ANKHD1: variants seen among roughly 807,000 people sequenced by gnomAD.
ANKHD1 encodes ankyrin repeat and KH domain-containing protein 1.
A neutral mutation model predicts 230.5 loss-of-function variants in ANKHD1; 31 were observed. The observed-to-expected ratio is 0.13, with a 90% CI of 0.10 to 0.18. The LOEUF is 0.18. Ranked by LOEUF, ANKHD1 falls within the 10% of genes least tolerant of loss-of-function variation. The pLI is 1.00. For missense variants in ANKHD1, 2,256 were observed against 3,071.3 expected (o/e 0.73, Z 6.27); for synonymous variants, 1,074 against 1,117.6 (o/e 0.96, Z 0.78).
chr5:140,414,864 G>A (rs1771228413), intron 1 of ANKHD1, among the ~76,000 whole-genome samples: 1 of 150,460 alleles, frequency 6.6e-6, no homozygotes, highest in African/African-American at 2.4e-5. Context: ...TGTGTTGTTT[G>A]TTTTTTATTG....
chr5:140,459,759 G>A (rs980913626), intron 9 of ANKHD1, among the ~76,000 whole-genome samples: 6 of 151,842 alleles, frequency 4.0e-5, no homozygotes, highest in Non-Finnish European at 8.8e-5. Flanking sequence ...ATTATTATTT[G>A]TCAATTAAAA....
chr5:140,432,952 C>A (rs1008284197), intron 1 of ANKHD1, among the ~76,000 whole-genome samples: 2 of 152,016 alleles, frequency 1.3e-5, no homozygotes, highest in East Asian at 1.9e-4. Context: ...ATCCCCCCCA[C>A]CCTGGCTTCC....
intron 7 of ANKHD1, among the ~76,000 whole-genome samples, chr5:140,452,608 G>A (rs183613071): frequency 1.3e-5 from 2 of 152,144 alleles, no homozygotes; most frequent in African/African-American, 2.4e-5. Flanking sequence ...CCAGGCAAAC[G>A]GTCTAGAGTG....
intron 1 of ANKHD1, among the ~76,000 whole-genome samples, chr5:140,412,951 CAA>C (rs959135771): frequency 3.3e-5 from 5 of 152,144 alleles, no homozygotes; most frequent in African/African-American, 1.2e-4. Flanking sequence ...TCTGTTCTCA[CAA>C]AGTTTTCCAC....
At chr5:140,403,623 A>T (rs780213967) in intron 1 of ANKHD1, among the ~76,000 whole-genome samples, 9 of 151,992 alleles carry the variant, frequency 5.9e-5, no homozygotes, top group Non-Finnish European at 1.3e-4. Context: ...CATGTCCAGG[A>T]TGGTCTCGAT....
intron 9 of ANKHD1, among the ~76,000 whole-genome samples, chr5:140,460,983 T>G (rs1316832190): frequency 6.6e-6 from 1 of 152,204 alleles, no homozygotes; most frequent in Non-Finnish European, 1.5e-5. Flanking sequence ...TTCAAGAGTC[T>G]TTCTCTGCTA....
intron 25 of ANKHD1, among the ~76,000 whole-genome samples, chr5:140,524,748 G>A (rs1341984295): frequency 2.6e-5 from 4 of 152,040 alleles, no homozygotes; most frequent in African/African-American, 4.8e-5. Flanking sequence ...AATACTATTT[G>A]AAAAATGTCC....
At chr5:140,425,473 G>A (rs1772332095) in intron 1 of ANKHD1, among the ~76,000 whole-genome samples, 1 of 152,084 alleles carries the variant, frequency 6.6e-6, no homozygotes, top group African/African-American at 2.4e-5. Context: ...TGCCCAGGCT[G>A]GTTTCTAACT....
At chr5:140,435,888 G>A (rs1320549013) in intron 1 of ANKHD1, among the ~76,000 whole-genome samples, 1 of 152,046 alleles carries the variant, frequency 6.6e-6, no homozygotes, top group Non-Finnish European at 1.5e-5. Flanking sequence ...ATGCTCTTGA[G>A]GAAACTTCAG....
chr5:140,465,908 C>T (rs1776049445), intron 10 of ANKHD1, among the ~76,000 whole-genome samples: 1 of 152,056 alleles, frequency 6.6e-6, no homozygotes, highest in East Asian at 1.9e-4. Context: ...TATAGAGTTG[C>T]TTTGAGTCGT....
chr5:140,451,317 TAC>T (rs1774717270), intron 7 of ANKHD1, among the ~76,000 whole-genome samples: 3 of 152,252 alleles, frequency 2.0e-5, no homozygotes, highest in Admixed American at 1.3e-4. Flanking sequence ...GCATTTCAAC[TAC>T]CAGATGACTC....
intron 1 of ANKHD1, among the ~76,000 whole-genome samples, chr5:140,405,337 T>G (rs113945824): frequency 0.019 from 2,819 of 152,270 alleles, 78 homozygotes; most frequent in African/African-American, 0.057. Context: ...AAATTTTTTT[T>G]GGGTCCTGTT....
At chr5:140,454,606 A>G (rs1775017795) in intron 7 of ANKHD1, among the ~76,000 whole-genome samples, 1 of 152,228 alleles carries the variant, frequency 6.6e-6, no homozygotes, top group Admixed American at 6.5e-5. Context: ...CTGCTCCTGA[A>G]TGACTACTGG....
At chr5:140,410,239 T>C (rs1375350635) in intron 1 of ANKHD1, among the ~76,000 whole-genome samples, 1 of 152,164 alleles carries the variant, frequency 6.6e-6, no homozygotes, top group African/African-American at 2.4e-5. Flanking sequence ...GTTACACAGA[T>C]GGTAAGATGC....
At chr5:140,539,143 G>T in intron 33 of ANKHD1, 60 bp downstream of exon 33, 1 of 1,547,066 alleles carries the variant, frequency 6.5e-7, no homozygotes, top group African/African-American at 1.4e-5. Flanking sequence ...TTTTTGTTTT[G>T]TGAGAAGTAT....
At chr5:140,429,458 C>T (rs1303462820) in intron 1 of ANKHD1, among the ~76,000 whole-genome samples, 1 of 152,104 alleles carries the variant, frequency 6.6e-6, no homozygotes, top group Admixed American at 6.6e-5. Context: ...GACTCTCTAA[C>T]TCAAAATATA....
Position 140,527,515 on chromosome 5 carries a change from A to C in ANKHD1, c.5088-358A>C. 4.9e-6 allele frequency: 1 copy of C among 205,934 alleles called. No homozygotes were observed. The highest frequency in any genetic ancestry group is 9.3e-5 in the South Asian group (1 of 10,710). 12.8% of individuals were successfully genotyped at this position (205,934 alleles called of 1,614,324 possible). ...AGCATAGTTATTCTGTGTGGATTTT[A>C]ATAATATGGTATTCATTATTTTAAC... is the stretch of plus-strand genomic sequence containing the variant. On this transcript the variant is annotated intron_variant, in intron 27 of 33. Coordinates refer to ENST00000360839, the MANE Select transcript of ANKHD1 (RefSeq NM_017747.3). This position sits in a 1 kb window ranked among gnomAD's most constrained non-coding sequence, Gnocchi z 4.5.
rs76505219 is a variant in ANKHD1 at position 140,507,049 on chromosome 5, G to C, written c.3551+72G>C. ...TGGACTTAAATGTCTACCTCTTAAC[G>C]TTTAGACAGATACATTTTAAATTAA... is the stretch of plus-strand genomic sequence containing the variant. On this transcript the variant is annotated intron_variant, in intron 19 of 33. Transcript: ENST00000360839. The surrounding 1 kb of genome is among the most constrained non-coding windows in gnomAD (Gnocchi z 4.1). 3.2e-6 allele frequency: 5 copies of C among 1,558,930 alleles called. No individual in the cohort carries two copies. In the African/African-American group the frequency reaches 5.5e-5, roughly 17 times the overall value.
chr5:140,416,769 G>T (rs942646915), intron 1 of ANKHD1, among the ~76,000 whole-genome samples: 1 of 151,842 alleles, frequency 6.6e-6, no homozygotes. Context: ...ACAAGTGTGA[G>T]GCACCATGCC....
Sources: gnomAD v4.1 joint callset for allele counts (sites outside exome capture counted in the v4.1 genomes callset) on GRCh38, gnomAD v4.1.1 for gene constraint, Gnocchi (gnomAD v3.1) non-coding constraint, MANE v1.5 for transcripts, NCBI Gene and HGNC (gene_info 2026-07-23, HGNC 2026-07-21) for gene names.